PKN3: variants seen among roughly 807,000 people sequenced by gnomAD.
PKN3 encodes the protein serine/threonine-protein kinase N3.
A neutral mutation model predicts 113.1 loss-of-function variants in PKN3; 91 were observed. The ratio of observed to expected loss-of-function variants is 0.80; its 90% confidence interval spans 0.68 to 0.96. The LOEUF is 0.96. Among genes scored for constraint, PKN3 ranks in the 40% least tolerant of loss-of-function variants. The pLI is 0.00. For missense variants in PKN3, 1,052 were observed against 1,202.2 expected, an observed-to-expected ratio of 0.88 and a Z score of 1.85; for synonymous variants, 467 against 499.0, an observed-to-expected ratio of 0.94 and a Z score of 0.85.
chr9:128,703,679 C>T, intron 1 of PKN3: 2 of 985,376 alleles, frequency 2.0e-6, no homozygotes, highest in Non-Finnish European at 2.4e-6. Context: ...GTGTGTGTGT[C>T]CATGTTGGAG....
intron 1 of PKN3, among the ~76,000 whole-genome samples, chr9:128,704,774 C>T (rs1219521983): frequency 1.3e-5 from 2 of 152,066 alleles, no homozygotes; most frequent in African/African-American, 4.8e-5. Flanking sequence ...CAAAATTAGC[C>T]GGGCTTAGTG....
chr9:128,716,644 C>A, intron 15 of PKN3, 103 bp from the exon 16 acceptor site: 2 of 836,254 alleles, frequency 2.4e-6, no homozygotes, highest in Non-Finnish European at 3.9e-6. Flanking sequence ...ACTTGCCTGG[C>A]ACTTTGGCTG....
intron 1 of PKN3, chr9:128,703,323 C>CT (rs1861910211): frequency 2.1e-6 from 2 of 969,802 alleles, no homozygotes; most frequent in Non-Finnish European, 2.5e-6. Flanking sequence ...GCACAGGGGC[C>CT]TGGGGGGGTT....
rs1351687434 is a variant in PKN3, at chr9:128,707,279, G to T, written c.709G>T (p.Glu237Ter). ...QKLDLLRLAL[E>*]QLLEQLPPAH... The stretch of plus-strand genomic sequence containing the variant: ...ACTGGACCTCCTGCGCCTGGCCTTG[G>T]AGCAGCTGCTGGAGCAACTGCCTCC... Residue 237 changes from glutamate (E) to a stop codon, truncating the protein, a stop_gained, in exon 6 of 22, where the codon GAG becomes TAG. Coordinates refer to ENST00000291906, the MANE Select transcript of PKN3 (RefSeq NM_013355.5). LOFTEE classifies it high-confidence loss of function. 6.2e-7 allele frequency: 1 copy of T among 1,613,360 alleles called. No homozygotes were observed. Among genetic ancestry groups the T allele is most frequent in the Non-Finnish European group, 8.5e-7 (1 of 1,179,620 alleles).
At chr9:128,705,710 T>C (rs1861993198) in intron 2 of PKN3, 24 bp from the exon 3 acceptor site, 1 of 1,584,466 alleles carries the variant, frequency 6.3e-7, no homozygotes, top group Non-Finnish European at 8.6e-7. Flanking sequence ...GAGGGACTCC[T>C]GTGCTCGATA....
At position 128,715,600 on chromosome 9, in the gene PKN3, G is replaced by T. The variant is rs1208973884; in HGVS notation, c.1808+140G>T. The T allele has an allele frequency of 4.8e-6, 3 of 627,230 alleles. No individual in the cohort carries two copies. The African/African-American group carries it at 5.5e-5, about 12-fold the overall frequency. The allele number at this position is 627,230 out of a possible 1,614,324, so 38.9% of individuals were successfully genotyped here. A position where few individuals can be genotyped will look rare whatever the true frequency, so the allele number is the denominator to read the frequency against. ...GCATTCTCTTTTGGCACCTGCAGTT[G>T]TTAACTGTGTTTCCTTGGGCAGGTC... On this transcript the variant is annotated intron_variant, in intron 15 of 21. Coordinates refer to ENST00000291906, the MANE Select transcript of PKN3 (RefSeq NM_013355.5). The surrounding 1 kb of genome is among the most constrained non-coding windows in gnomAD (Gnocchi z 4.1).
Position 128,702,957 on chromosome 9 carries a change from G to T in PKN3, c.24+18G>T. 7.0e-7 allele frequency: 1 copy of T among 1,421,634 alleles called. No homozygotes were observed. The highest frequency in any genetic ancestry group is 1.5e-5 in the African/African-American group (1 of 66,088). 88.1% of individuals were successfully genotyped at this position (1,421,634 alleles called of 1,614,324 possible). ...CGCGGCAGGTGAACGGCGTGGGAGG[G>T]GCGCGCGGGCCCGGGGGGTGCGAGA... is the stretch of plus-strand genomic sequence containing the variant. On this transcript the variant is annotated intron_variant, in intron 1 of 21. Transcript: ENST00000291906.
rs1564378313 is a variant in PKN3 at position 128,718,898 on chromosome 9, G to GTTTTTTTTTT, written c.2125+276_2125+277insTTTTTTTTTT. Reference sequence around the variant, plus strand: ...AGTTCTGCCTTCTGTTTTTTTTTTGGTTTGTTTTTTTTTTTGAGACGGAGT... The same window carrying GTTTTTTTTTT: ...AGTTCTGCCTTCTGTTTTTTTTTTGGTTTTTTTTTTTTTGTTTTTTTTTTTGAGACGGAGT... On this transcript the variant is annotated intron_variant, in intron 18 of 21. Transcript: ENST00000291906. Among the ~76,000 whole-genome samples the GTTTTTTTTTT allele has an allele frequency of 1.6e-4, 4 of 24,580 alleles. 1 individual carries two copies. Among genetic ancestry groups the GTTTTTTTTTT allele is most frequent in the Non-Finnish European group, 2.7e-4 (3 of 11,212 alleles). 16.1% of individuals were successfully genotyped at this position (24,580 alleles called of 152,430 possible).
At chr9:128,710,977 CTTT>C (rs199532029) in intron 6 of PKN3, among the ~76,000 whole-genome samples, 1 of 145,184 alleles carries the variant, frequency 6.9e-6, no homozygotes. Flanking sequence ...TTGAGTTGTC[CTTT>C]TTTTTTTTTG....
At chr9:128,718,282 G>T (rs1194686370) in intron 16 of PKN3, 43 bp from the exon 17 acceptor site, 1 of 1,546,122 alleles carries the variant, frequency 6.5e-7, no homozygotes, top group Non-Finnish European at 8.9e-7. Flanking sequence ...TGCCTCCCTG[G>T]TGTGTGTCTT....
rs906200420 is a variant in PKN3, at chr9:128,714,780, GCTC to G, written c.1585-14_1585-12del. On this transcript the variant is annotated splice_polypyrimidine_tract_variant and intron_variant, in intron 12 of 21. Transcript: ENST00000291906. The stretch of plus-strand genomic sequence containing the variant: ...AGAAGGAAGCCCAGCCCTGCCCTGA[GCTC>G]CTCTATACTCACAGCGCACCAAACG... The G allele has an allele frequency of 3.1e-6, 5 of 1,612,512 alleles. No homozygotes were observed. The highest frequency in any genetic ancestry group is 4.2e-6 in the Non-Finnish European group (5 of 1,178,638).
chr9:128,716,393 T>A (rs1203587449), intron 15 of PKN3, among the ~76,000 whole-genome samples: 1 of 147,842 alleles, frequency 6.8e-6, no homozygotes, highest in Non-Finnish European at 1.5e-5. Context: ...AGGCCAAGAG[T>A]TCGAGACCAG....
rs750325509 is a variant in PKN3 at position 128,715,332 on chromosome 9, CT to C, written c.1717-36del. 5 of 1,607,296 alleles carry C rather than the reference CT, an allele frequency of 3.1e-6. No individual in the cohort carries two copies. The Admixed American group carries it at 8.3e-5, about 27-fold the overall frequency. ...GTGGGGGCGGTAAAGGCTCCCTGGT[CT>C]GGCCCACCTGGAGCACAACCTCTCT... On this transcript the variant is annotated intron_variant, in intron 14 of 21. Transcript: ENST00000291906. The surrounding 1 kb of genome is among the most constrained non-coding windows in gnomAD (Gnocchi z 4.1).
intron 11 of PKN3, 50 bp downstream of exon 11, chr9:128,714,415 T>C: frequency 6.8e-7 from 1 of 1,465,476 alleles, no homozygotes; most frequent in Non-Finnish European, 9.5e-7. Context: ...GGCGGCTTCC[T>C]GACTCCAGAT....
rs369244153 is a variant in PKN3 at position 128,713,032 on chromosome 9, C to T, written c.836-20C>T. 2 of 1,577,306 alleles carry T rather than the reference C, an allele frequency of 1.3e-6. No homozygotes were observed. The highest frequency in any genetic ancestry group is 3.6e-5 in the Admixed American group (2 of 56,152). On this transcript the variant is annotated intron_variant, in intron 6 of 21. Transcript: ENST00000291906. Reference sequence around the variant, plus strand: ...GGGAAGATGGCATCTGACAACGCCCCCCGCTCACTCTCCCCACAGGGACAC... The same window carrying T: ...GGGAAGATGGCATCTGACAACGCCCTCCGCTCACTCTCCCCACAGGGACAC...
At chr9:128,716,503 C>A (rs1862342453) in intron 15 of PKN3, among the ~76,000 whole-genome samples, 1 of 151,370 alleles carries the variant, frequency 6.6e-6, no homozygotes, top group Non-Finnish European at 1.5e-5. Context: ...GAGGCTGAGG[C>A]ACAAAAATCT....
rs773562928 is a variant in PKN3 at position 128,706,816 on chromosome 9, C to T, written c.515C>T (p.Pro172Leu). The T allele has an allele frequency of 1.8e-5, 29 of 1,610,316 alleles. No individual in the cohort carries two copies. The highest frequency in any genetic ancestry group is 1.7e-4 in the Middle Eastern group (1 of 6,060). The change falls in exon 4 of 22, where the codon CCG (proline) becomes CTG (leucine). Residue 172 changes from proline to leucine, a missense_variant. Physicochemically the swap from Pro to Leu is moderately conservative, Grantham distance 98. Coordinates refer to ENST00000291906, the MANE Select transcript of PKN3 (RefSeq NM_013355.5). The part of the protein sequence containing the change: ...KISSLEASGS[P>L]EPGPELLAEE... ...AGCAGCCTGGAGGCCAGTGGGTCCC[C>T]GGAGCCAGGTGAGGCCTTGAGACAC...
At chr9:128,702,973 G>A in intron 1 of PKN3, 34 bp downstream of exon 1, 3 of 1,368,618 alleles carry the variant, frequency 2.2e-6, no homozygotes, top group Non-Finnish European at 2.8e-6. Context: ...CGGGCCCGGG[G>A]GGTGCGAGAA....
At chr9:128,714,736 C>G in intron 12 of PKN3, 62 bp from the exon 13 acceptor site, 1 of 1,526,472 alleles carries the variant, frequency 6.6e-7, no homozygotes, top group African/African-American at 1.4e-5. Flanking sequence ...TGTGGGGTGG[C>G]AGGCCTGAAG....
Sources: gnomAD v4.1 joint callset for allele counts (sites outside exome capture counted in the v4.1 genomes callset) on GRCh38, gnomAD v4.1.1 for gene constraint, Gnocchi (gnomAD v3.1) non-coding constraint, MANE v1.5 for transcripts, NCBI Gene and HGNC (gene_info 2026-07-23, HGNC 2026-07-21) for gene names.